The following TBC1D15 variants were observed in gnomAD, a reference collection of about 807,000 sequenced individuals.
The protein encoded by TBC1D15 is GAP for RAB7.
A neutral mutation model predicts 95.4 loss-of-function variants in TBC1D15; 39 were observed. The ratio of observed to expected loss-of-function variants is 0.41; its 90% CI spans 0.32 to 0.53. The LOEUF is 0.53. Among genes scored for constraint, TBC1D15 ranks in the 20% least tolerant of loss-of-function variants. The pLI is 0.29. For synonymous variants in TBC1D15, 258 were observed against 261.3 expected (o/e 0.99, Z 0.12); for missense variants, 733 against 794.3 (o/e 0.92, Z 0.93).
At chr12:71,922,214 A>G (rs979422994) in intron 16 of TBC1D15, among the ~76,000 whole-genome samples, 1 of 152,108 alleles carries the variant, frequency 6.6e-6, no homozygotes, top group Admixed American at 6.5e-5. Context: ...CTTCCCGAGT[A>G]GCTAGGATTA....
At chr12:71,883,652 T>G (rs1340516646) in intron 4 of TBC1D15, among the ~76,000 whole-genome samples, 1 of 152,138 alleles carries the variant, frequency 6.6e-6, no homozygotes. Context: ...GTAAGCAACT[T>G]CCTTCTAAGT....
chr12:71,908,567 T>A (rs187652555), intron 11 of TBC1D15, among the ~76,000 whole-genome samples: 1 of 152,226 alleles, frequency 6.6e-6, no homozygotes, highest in Non-Finnish European at 1.5e-5. Flanking sequence ...GGGGAAGATA[T>A]AATCTCTGTT....
chr12:71,874,796 T>C (rs78214273), intron 3 of TBC1D15, among the ~76,000 whole-genome samples: 13,934 of 151,744 alleles, frequency 0.092, 707 homozygotes, highest in South Asian at 0.15. Context: ...CTAAGTTTTG[T>C]ATTTTTAGTA....
At chr12:71,864,406 C>T (rs775903318) in intron 1 of TBC1D15, among the ~76,000 whole-genome samples, 1 of 151,642 alleles carries the variant, frequency 6.6e-6, no homozygotes, top group South Asian at 2.1e-4. Flanking sequence ...CCATTGATGT[C>T]CTTGCATCTA....
intron 5 of TBC1D15, among the ~76,000 whole-genome samples, chr12:71,892,389 T>A (rs574382405): frequency 1.0e-3 from 156 of 152,152 alleles, no homozygotes; most frequent in African/African-American, 3.6e-3. Flanking sequence ...ACAGGAGGTG[T>A]ATAGCAGCAA....
At chr12:71,849,599 A>T (rs1887236044) in intron 1 of TBC1D15, 1 of 624,498 alleles carries the variant, frequency 1.6e-6, no homozygotes, top group African/African-American at 1.8e-5. Flanking sequence ...GTGAATCATC[A>T]GTCAGTACCG....
chr12:71,888,844 CTTTTTTTTTTTTT>C (rs112009881), intron 5 of TBC1D15, among the ~76,000 whole-genome samples: 16,614 of 118,746 alleles, frequency 0.14, 1,126 homozygotes, highest in South Asian at 0.19. Flanking sequence ...ATACATGTTT[CTTTTTTTTTTTTT>C]TTTTCATTTA....
intron 11 of TBC1D15, chr12:71,907,496 A>G (rs541497388): frequency 1.2e-5 from 2 of 164,558 alleles, no homozygotes; most frequent in Admixed American, 5.8e-5. Flanking sequence ...TTGCTGTGAT[A>G]AGTACTGTGT....
chr12:71,851,250 A>G (rs797001352), intron 1 of TBC1D15, among the ~76,000 whole-genome samples: 1 of 152,118 alleles, frequency 6.6e-6, no homozygotes, highest in African/African-American at 2.4e-5. Flanking sequence ...CACTATTGTG[A>G]TGACAGCATC....
chr12:71,878,111 T>G (rs981896293), intron 3 of TBC1D15, among the ~76,000 whole-genome samples: 3 of 152,122 alleles, frequency 2.0e-5, no homozygotes, highest in African/African-American at 7.2e-5. Flanking sequence ...TGCCTGGAAA[T>G]GGTAAGCTTG....
At chr12:71,918,128 C>G (rs576364487) in intron 13 of TBC1D15, among the ~76,000 whole-genome samples, 1 of 152,294 alleles carries the variant, frequency 6.6e-6, no homozygotes, top group South Asian at 2.1e-4. Flanking sequence ...GCACTCCGAC[C>G]TGGGTGACAT....
At chr12:71,899,946 G>A (rs891231190) in intron 10 of TBC1D15, among the ~76,000 whole-genome samples, 1 of 152,066 alleles carries the variant, frequency 6.6e-6, no homozygotes, top group Admixed American at 6.6e-5. Context: ...GTGACAGAGC[G>A]AGACCCCTTC....
intron 11 of TBC1D15, among the ~76,000 whole-genome samples, chr12:71,912,829 C>T (rs927385166): frequency 1.3e-5 from 2 of 151,920 alleles, no homozygotes; most frequent in African/African-American, 2.4e-5. Context: ...CAAAAGTTAC[C>T]GAAGTTGAAT....
intron 1 of TBC1D15, among the ~76,000 whole-genome samples, chr12:71,855,667 CAAAAAAAAAA>C (rs1161851924): frequency 0.081 from 3,359 of 41,426 alleles, 159 homozygotes; most frequent in African/African-American, 0.22. Context: ...GACTCCATCT[CAAAAAAAAAA>C]AAAAAAAAAA....
At position 71,873,708 on chromosome 12, in the gene TBC1D15, A is replaced by G. The variant is rs187648596; in HGVS notation, c.204+705A>G. Among the ~76,000 whole-genome samples, 5 of 152,362 alleles carry G rather than the reference A, an allele frequency of 3.3e-5. No homozygotes were observed. In the East Asian group the frequency reaches 5.8e-4, roughly 18 times the overall value. ...AGTATATGAGGATTCCAATTTGTCT[A>G]CATCCTCATCAACACTTGTTATTAT... On this transcript the variant is annotated intron_variant, in intron 3 of 16. Transcript: ENST00000485960.
At chr12:71,913,651 A>G (rs1238667225) in intron 11 of TBC1D15, 175 bp from the exon 12 acceptor site, 9 of 517,400 alleles carry the variant, frequency 1.7e-5, no homozygotes, top group Non-Finnish European at 3.0e-5. Flanking sequence ...CTTACTTATG[A>G]CTAGAGTTCC....
chr12:71,858,721 ATTATTT>A (rs1889710393), intron 1 of TBC1D15, among the ~76,000 whole-genome samples: 1 of 151,148 alleles, frequency 6.6e-6, no homozygotes, highest in Non-Finnish European at 1.5e-5. Context: ...TGCCTGGCTA[ATTATTT>A]TTATATTTTT....
intron 14 of TBC1D15, among the ~76,000 whole-genome samples, chr12:71,920,442 G>T (rs938654036): frequency 8.6e-5 from 13 of 152,030 alleles, no homozygotes; most frequent in Non-Finnish European, 1.6e-4. Flanking sequence ...TGTAGCTCCT[G>T]CATTAATAAC....
intron 3 of TBC1D15, among the ~76,000 whole-genome samples, chr12:71,879,417 G>A (rs981616199): frequency 6.6e-6 from 1 of 152,050 alleles, no homozygotes; most frequent in South Asian, 2.1e-4. Context: ...TTACAGGTGT[G>A]AGCCACCTCG....
Sources: allele counts gnomAD v4.1 joint callset (sites outside exome capture counted in the v4.1 genomes callset), GRCh38; gene constraint gnomAD v4.1.1; transcripts MANE v1.5; gene names NCBI Gene and HGNC (gene_info 2026-07-23, HGNC 2026-07-21).